CSMD2: variants seen among roughly 807,000 people sequenced by gnomAD.
The protein encoded by CSMD2 is CUB and sushi domain-containing protein 2.
In CSMD2, 130 loss-of-function variants were observed where a neutral mutation model predicts 398.5. That is an observed-to-expected ratio of 0.33 (90% CI 0.28 to 0.38). CSMD2 has a LOEUF of 0.38. Among genes scored for constraint, CSMD2 ranks in the 10% least tolerant of loss-of-function variants. The probability of loss-of-function intolerance (pLI) is 1.00; values close to 1 mark genes in which losing one functional copy is unlikely to be tolerated. For synonymous variants in CSMD2, 1,828 were observed against 1,908.5 expected, an observed-to-expected ratio of 0.96 and a Z score of 1.10; for missense variants, 3,829 against 4,764.9, an observed-to-expected ratio of 0.80 and a Z score of 5.78.
intron 3 of CSMD2, among the ~76,000 whole-genome samples, chr1:33,992,954 A>C (rs1330492119): frequency 6.6e-6 from 1 of 152,096 alleles, no homozygotes; most frequent in Admixed American, 6.5e-5. Context: ...ATATGAATAG[A>C]GAAAGAGCTC....
At chr1:33,627,117 A>G (rs1165240532) in intron 32 of CSMD2, among the ~76,000 whole-genome samples, 2 of 152,150 alleles carry the variant, frequency 1.3e-5, no homozygotes, top group African/African-American at 4.8e-5. Context: ...GGTGTAATGT[A>G]TTGTTCATAC....
chr1:34,095,886 A>G (rs912248828), intron 1 of CSMD2, among the ~76,000 whole-genome samples: 10 of 152,098 alleles, frequency 6.6e-5, no homozygotes, highest in South Asian at 6.2e-4. Flanking sequence ...TAGAAAAAGA[A>G]GGAATCCTCC....
chr1:33,611,333 C>A (rs1471625606), intron 40 of CSMD2, 83 bp from the exon 41 acceptor site: 24 of 1,211,878 alleles, frequency 2.0e-5, no homozygotes, highest in Non-Finnish European at 2.9e-5. Flanking sequence ...CAGCTCCTGC[C>A]AGAGCCATGA....
intron 66 of CSMD2, among the ~76,000 whole-genome samples, chr1:33,524,332 T>C (rs916892453): frequency 1.3e-5 from 2 of 152,220 alleles, no homozygotes; most frequent in African/African-American, 2.4e-5. Flanking sequence ...TATCTTCTTA[T>C]GATAAAAATT....
intron 1 of CSMD2, among the ~76,000 whole-genome samples, chr1:34,136,365 T>C (rs900043766): frequency 6.6e-6 from 1 of 152,210 alleles, no homozygotes; most frequent in Admixed American, 6.5e-5. Flanking sequence ...TTTCTTTTGG[T>C]TCCAAAAAAA....
At chr1:34,103,460 A>G (rs35133994) in intron 1 of CSMD2, among the ~76,000 whole-genome samples, 10,856 of 151,702 alleles carry the variant, frequency 0.072, 524 homozygotes, top group Non-Finnish European at 0.11. Flanking sequence ...CACCACGCCC[A>G]GCTAATTTTT....
chr1:33,770,834 C>T (rs1053407221), intron 13 of CSMD2, among the ~76,000 whole-genome samples: 2 of 152,328 alleles, frequency 1.3e-5, no homozygotes, highest in South Asian at 4.1e-4. Flanking sequence ...GTGCCCAGCT[C>T]ACTGGAGGCT....
Position 33,838,151 on chromosome 1 carries a change from C to T in CSMD2, c.1033+8733G>A, listed in dbSNP as rs190234579. ...CTTCCCTCTATGAGGGTGAGCCCCT[C>T]CAATAAACTAGATCATTCCCCTTGC... is the stretch of plus-strand genomic sequence containing the variant. On this transcript the variant is annotated intron_variant, in intron 6 of 70. Coordinates refer to ENST00000373381, the MANE Select transcript of CSMD2 (RefSeq NM_001281956.2). Among the ~76,000 whole-genome samples, 199 of 152,306 alleles carry T rather than the reference C, an allele frequency of 1.3e-3. 1 individual carries two copies. Among genetic ancestry groups the T allele is most frequent in the African/African-American group, 4.5e-3 (189 of 41,566 alleles).
At chr1:33,540,099 C>A (rs185102603) in intron 60 of CSMD2, among the ~76,000 whole-genome samples, 1 of 152,184 alleles carries the variant, frequency 6.6e-6, no homozygotes, top group Admixed American at 6.5e-5. Context: ...CCTCAGGATA[C>A]AACTGGGCCA....
intron 27 of CSMD2, 137 bp downstream of exon 27, chr1:33,657,809 C>A: frequency 1.3e-6 from 1 of 786,654 alleles, no homozygotes; most frequent in East Asian, 2.6e-5. Flanking sequence ...GCAGGGTAAA[C>A]AATGGGTTTT....
rs41266405 is a variant in CSMD2, at chr1:33,874,261, G to T, written c.921-27265C>A. 9.7e-3 allele frequency among the ~76,000 whole-genome samples: 1,477 copies of T among 152,256 alleles called. 10 individuals are homozygous for T. Among genetic ancestry groups the T allele is most frequent in the Non-Finnish European group, 0.014 (972 of 68,020 alleles). On this transcript the variant is annotated intron_variant, in intron 5 of 70. Coordinates refer to ENST00000373381, the MANE Select transcript of CSMD2 (RefSeq NM_001281956.2). Reference sequence around the variant, plus strand: ...ACCTGGTAAGAAATAATTCATTGCAGGATTTGGGCTTGTGTTAGATGATTT... The same window carrying T: ...ACCTGGTAAGAAATAATTCATTGCATGATTTGGGCTTGTGTTAGATGATTT...
chr1:33,575,246 GA>G lies in CSMD2; in HGVS notation c.7576+2049del, dbSNP rs1464968096. On this transcript the variant is annotated intron_variant, in intron 49 of 70. Transcript: ENST00000373381. ...TGGGGAAGGAGAGAGAAGGCATTAG[GA>G]GGCATAGAGTCTCTAAAGGAAGAGT... 8.6e-5 allele frequency among the ~76,000 whole-genome samples: 13 copies of G among 151,186 alleles called. No homozygotes were observed. In the South Asian group the frequency reaches 1.4e-3, roughly 17 times the overall value.
chr1:34,049,532 C>T (rs1233131488), intron 2 of CSMD2, among the ~76,000 whole-genome samples: 1 of 152,068 alleles, frequency 6.6e-6, no homozygotes, highest in Non-Finnish European at 1.5e-5. Context: ...GCCCCCCAAC[C>T]CCAGATGCCA....
chr1:34,061,465 C>G (rs1227086840), intron 2 of CSMD2, among the ~76,000 whole-genome samples: 1 of 152,092 alleles, frequency 6.6e-6, no homozygotes, highest in Non-Finnish European at 1.5e-5. Flanking sequence ...CTCTAGCACC[C>G]AGGGCCACCA....
chr1:33,714,555 G>A, intron 21 of CSMD2, 32 bp downstream of exon 21: 1 of 1,608,458 alleles, frequency 6.2e-7, no homozygotes, highest in South Asian at 1.1e-5. Flanking sequence ...CACCCCATTA[G>A]TGAAGCAAAA....
Position 34,109,821 on chromosome 1 carries a change from C to T in CSMD2, c.188-20628G>A, listed in dbSNP as rs190377433. 1.1e-3 allele frequency among the ~76,000 whole-genome samples: 174 copies of T among 151,924 alleles called. 1 individual carries two copies. The East Asian group carries it at 0.024, about 21-fold the overall frequency. On this transcript the variant is annotated intron_variant, in intron 1 of 70. Transcript: ENST00000373381. ...TTGGGAGGCCAAGGCGGGCGGATCA[C>T]GAGGTCAGGAGTTCAAGACCAGTCT...
intron 1 of CSMD2, among the ~76,000 whole-genome samples, chr1:34,144,091 C>T (rs992816737): frequency 1.2e-4 from 18 of 152,158 alleles, no homozygotes; most frequent in African/African-American, 4.3e-4. Flanking sequence ...AACATCTCCT[C>T]TCAGTCTGGA....
At chr1:33,845,513 C>G (rs892474659) in intron 6 of CSMD2, among the ~76,000 whole-genome samples, 9 of 152,164 alleles carry the variant, frequency 5.9e-5, no homozygotes, top group African/African-American at 2.2e-4. Context: ...ATTAGAAACA[C>G]CCAGCACTTA....
intron 2 of CSMD2, among the ~76,000 whole-genome samples, chr1:34,038,343 C>A (rs1651409988): frequency 6.6e-6 from 1 of 152,220 alleles, no homozygotes; most frequent in African/African-American, 2.4e-5. Flanking sequence ...TCCCCTGTTG[C>A]TATGAGTTAT....
Sources: gnomAD v4.1 joint callset for allele counts (sites outside exome capture counted in the v4.1 genomes callset) on GRCh38, gnomAD v4.1.1 for gene constraint, MANE v1.5 for transcripts, NCBI Gene and HGNC (gene_info 2026-07-23, HGNC 2026-07-21) for gene names.